The following UBE2V2 variants were observed in gnomAD, a reference collection of about 807,000 sequenced individuals.
The protein encoded by UBE2V2 is ubiquitin-conjugating enzyme E2 variant 2.
In UBE2V2, 9 loss-of-function variants were observed where a neutral mutation model predicts 17.2. The observed-to-expected ratio is 0.52, with a 90% CI of 0.32 to 0.91. The LOEUF is 0.91. UBE2V2 is among the 40% of genes least tolerant of loss of function. The pLI, the probability that UBE2V2 is intolerant of heterozygous loss-of-function variation, is 0.04. For missense variants in UBE2V2, 133 were observed against 182.6 expected (o/e 0.73, Z 1.56); for synonymous variants, 61 against 57.5 (o/e 1.06, Z -0.28).
At chr8:48,030,073 T>C (rs2091372660) in intron 1 of UBE2V2, among the ~76,000 whole-genome samples, 1 of 152,214 alleles carries the variant, frequency 6.6e-6, no homozygotes, top group South Asian at 2.1e-4. Context: ...CATTCTTAGC[T>C]ACCTCACTGG....
the UBE2V2 span, among the ~76,000 whole-genome samples, chr8:48,002,970 G>T: frequency 6.6e-6 from 1 of 152,130 alleles, no homozygotes; most frequent in Non-Finnish European, 1.5e-5. Context: ...CCAGCACTTT[G>T]GGAGGCCGAA....
In UBE2V2 at chr8:48,060,723, T is replaced by C; in HGVS notation, c.333T>C (p.Asn111=). The change falls in exon 4 of 4, where the codon AAT becomes AAC. Residue 111 remains asparagine (N), a synonymous_variant. Coordinates refer to ENST00000523111, the MANE Select transcript of UBE2V2 (RefSeq NM_003350.3). ...RSIPVLAKWQ[N]SYSIKVVLQE... ...TACCAGTGTTAGCAAAATGGCAAAA[T>C]TCATATAGCATTAAAGTTGTACTTC... is the stretch of plus-strand genomic sequence containing the variant. The C allele has an allele frequency of 3.2e-6, 5 of 1,540,582 alleles. No homozygotes were observed. Among genetic ancestry groups the C allele is most frequent in the Non-Finnish European group, 4.4e-6 (5 of 1,146,284 alleles).
Position 48,051,550 on chromosome 8 carries a change from C to T in UBE2V2, c.291+1572C>T, listed in dbSNP as rs147213901. 5.3e-5 allele frequency among the ~76,000 whole-genome samples: 8 copies of T among 152,248 alleles called. No individual in the cohort carries two copies. In the East Asian group the frequency reaches 1.5e-3, roughly 29 times the overall value. ...AATCACGAGTTTATACTAACAACTCCCACTAATTTTATTCTAAAACTATAG... is the reference window on the plus strand; with the variant it reads ...AATCACGAGTTTATACTAACAACTCTCACTAATTTTATTCTAAAACTATAG... On this transcript the variant is annotated intron_variant, in intron 3 of 3. Coordinates refer to ENST00000523111, the MANE Select transcript of UBE2V2 (RefSeq NM_003350.3).
upstream of UBE2V2, among the ~76,000 whole-genome samples, chr8:48,003,726 C>A (rs758798896): frequency 1.2e-4 from 18 of 151,998 alleles, no homozygotes; most frequent in Non-Finnish European, 2.4e-4. Context: ...ACTAAAAGAG[C>A]AGATCAGTTT....
rs1258092825 is a variant in UBE2V2 at position 48,064,073 on chromosome 8, T to A, written c.*3245T>A. 1 of 152,198 alleles carries A rather than the reference T, an allele frequency of 6.6e-6. No individual in the cohort carries two copies. The highest frequency in any genetic ancestry group is 6.5e-5 in the Admixed American group (1 of 15,274). The allele number at this position is 152,198 out of a possible 1,614,324, so 9.4% of individuals were successfully genotyped here. A position where few individuals can be genotyped will look rare whatever the true frequency, so the allele number is the denominator to read the frequency against. ...CCTGCCATCAAAACTGTATCAACTC[T>A]TTTAATGAGCATGTGACTGTATTAG... is the stretch of plus-strand genomic sequence containing the variant. On this transcript the variant is annotated 3_prime_UTR_variant, in exon 4 of 4. Transcript: ENST00000523111.
chr8:48,034,317 G>C (rs1159529465), intron 1 of UBE2V2, among the ~76,000 whole-genome samples: 3 of 151,912 alleles, frequency 2.0e-5, no homozygotes, highest in African/African-American at 7.3e-5. Flanking sequence ...AGTAGAGATG[G>C]GGTTTCACTA....
At chr8:48,035,665 G>T (rs1589858548) in intron 1 of UBE2V2, among the ~76,000 whole-genome samples, 3 of 92,120 alleles carry the variant, frequency 3.3e-5, no homozygotes, top group African/African-American at 4.5e-5. Context: ...GTGTGTATAT[G>T]TATGTATGCT....
intron 1 of UBE2V2, among the ~76,000 whole-genome samples, chr8:48,010,740 C>T (rs1311629212): frequency 1.4e-5 from 2 of 147,030 alleles, no homozygotes; most frequent in African/African-American, 5.0e-5. Flanking sequence ...CTTCTTTGCC[C>T]AGGCTGGAGT....
upstream of UBE2V2, chr8:48,008,405 G>T: frequency 6.4e-7 from 1 of 1,554,292 alleles, no homozygotes. Context: ...GAAGTGACGC[G>T]CGACGGTTCG....
rs367905175 is a variant in UBE2V2, at chr8:48,059,371, C to T, written c.292-1311C>T. Among the ~76,000 whole-genome samples the T allele has an allele frequency of 1.5e-4, 23 of 151,920 alleles. No individual in the cohort carries two copies. The East Asian group carries it at 3.7e-3, about 24-fold the overall frequency. ...TTCCCAGGCCTGTTTGGAGACACTT[C>T]GTTTCCCAGCTTGTCTGCTTAAGTA... is the stretch of plus-strand genomic sequence containing the variant. On this transcript the variant is annotated intron_variant, in intron 3 of 3. Transcript: ENST00000523111.
chr8:48,001,489 A>T, the UBE2V2 span, among the ~76,000 whole-genome samples: 2 of 152,086 alleles, frequency 1.3e-5, no homozygotes, highest in Non-Finnish European at 2.9e-5. Context: ...AGTCCCAGCT[A>T]CTCAAGAGGC....
chr8:48,059,644 C>T (rs1802561649), intron 3 of UBE2V2, among the ~76,000 whole-genome samples: 2 of 152,098 alleles, frequency 1.3e-5, no homozygotes, highest in Admixed American at 6.5e-5. Context: ...AACTCCTGAC[C>T]TTGTGATCCG....
chr8:48,030,299 TA>T (rs2091374065), intron 1 of UBE2V2, among the ~76,000 whole-genome samples: 2 of 152,328 alleles, frequency 1.3e-5, no homozygotes, highest in African/African-American at 4.8e-5. Flanking sequence ...AGAGAAAGAT[TA>T]AAAACAAACA....
At chr8:48,039,868 G>A (rs144588765) in intron 1 of UBE2V2, among the ~76,000 whole-genome samples, 14 of 152,060 alleles carry the variant, frequency 9.2e-5, no homozygotes, top group Middle Eastern at 3.4e-3. Context: ...TGGGACCACA[G>A]GCATGTGCCA....
intron 1 of UBE2V2, among the ~76,000 whole-genome samples, chr8:48,016,185 C>T (rs1356073230): frequency 1.3e-5 from 2 of 152,178 alleles, no homozygotes; most frequent in African/African-American, 4.8e-5. Flanking sequence ...GCGTGAGCCA[C>T]CGCGCTCAGC....
intron 1 of UBE2V2, among the ~76,000 whole-genome samples, chr8:48,013,488 T>C (rs2091247531): frequency 6.6e-6 from 1 of 152,062 alleles, no homozygotes; most frequent in East Asian, 1.9e-4. Flanking sequence ...TTTTTGTATT[T>C]TTAGTAGAAG....
chr8:48,040,844 G>GTTTTTTTTTTT (rs71225699), intron 1 of UBE2V2, among the ~76,000 whole-genome samples: 20 of 74,130 alleles, frequency 2.7e-4, no homozygotes, highest in Admixed American at 6.7e-4. Flanking sequence ...GCCAGGCTGG[G>GTTTTTTTTTTT]TTTTTTTTTT....
intron 1 of UBE2V2, among the ~76,000 whole-genome samples, chr8:48,038,075 C>CT (rs1173835851): frequency 2.6e-5 from 4 of 152,104 alleles, no homozygotes; most frequent in Non-Finnish European, 4.4e-5. Context: ...CTCCCCACGC[C>CT]TTTTTTGGCT....
At chr8:48,025,725 G>A (rs1424219713) in intron 1 of UBE2V2, among the ~76,000 whole-genome samples, 2 of 151,540 alleles carry the variant, frequency 1.3e-5, no homozygotes, top group Non-Finnish European at 2.9e-5. Flanking sequence ...TCAGCCTTCC[G>A]AGTAGCTGGG....
Sources: gnomAD v4.1 joint callset for allele counts (sites outside exome capture counted in the v4.1 genomes callset) on GRCh38, gnomAD v4.1.1 for gene constraint, MANE v1.5 for transcripts, NCBI Gene and HGNC (gene_info 2026-07-23, HGNC 2026-07-21) for gene names.